DAW1: variants seen among roughly 807,000 people sequenced by gnomAD.
The protein encoded by DAW1 is dynein assembly factor with WD repeats 1.
A neutral mutation model predicts 56.5 loss-of-function variants in DAW1; 47 were observed. The ratio of observed to expected loss-of-function variants is 0.83; its 90% CI spans 0.66 to 1.06. DAW1 has a LOEUF of 1.06. Ranked by LOEUF, DAW1 falls within the 50% of genes least tolerant of loss-of-function variation. The probability of loss-of-function intolerance (pLI) is 0.00; values close to 1 mark genes in which losing one functional copy is unlikely to be tolerated. For synonymous variants in DAW1, 190 were observed against 179.0 expected (o/e 1.06, Z -0.49); for missense variants, 505 against 499.3 (o/e 1.01, Z -0.11).
rs188145621 is a variant in DAW1 at position 227,903,476 on chromosome 2, C to T, written c.648+367C>T. ...GACTGTGAGCACACTCTCCTCTGCC[C>T]GCTGGTCTTTCAGCCATCCTGTATC... On this transcript the variant is annotated intron_variant, in intron 7 of 12. Transcript: ENST00000309931. Among the ~76,000 whole-genome samples, 280 of 152,300 alleles carry T rather than the reference C, an allele frequency of 1.8e-3. 1 individual carries two copies. The highest frequency in any genetic ancestry group is 5.6e-3 in the African/African-American group (234 of 41,578).
rs982910045 is a variant in DAW1, at chr2:227,891,145, G to A, written c.259-110G>A. On this transcript the variant is annotated intron_variant, in intron 3 of 12. Coordinates refer to ENST00000309931, the MANE Select transcript of DAW1 (RefSeq NM_178821.3). ...TCTAAAGGTAAATCAGATATTGCCT[G>A]TTTCTGATGTATAATTAAGAAAAAA... The A allele has an allele frequency of 6.5e-6, 6 of 920,032 alleles. No homozygotes were observed. In the African/African-American group the frequency reaches 6.6e-5, roughly 10 times the overall value. 57.0% of individuals were successfully genotyped at this position (920,032 alleles called of 1,614,324 possible).
intron 1 of DAW1, 138 bp downstream of exon 1, chr2:227,871,867 C>G: frequency 9.8e-7 from 1 of 1,019,992 alleles, no homozygotes; most frequent in East Asian, 2.6e-5. Flanking sequence ...CACTTCCCAA[C>G]CTGTGCCCCT....
chr2:227,891,596 C>T (rs113406250), intron 4 of DAW1, among the ~76,000 whole-genome samples: 1 of 152,086 alleles, frequency 6.6e-6, no homozygotes, highest in African/African-American at 2.4e-5. Context: ...TCATATCTAA[C>T]TTGGTTGGTT....
chr2:227,880,937 C>A (rs554595944), intron 1 of DAW1, among the ~76,000 whole-genome samples: 11 of 152,058 alleles, frequency 7.2e-5, no homozygotes, highest in Non-Finnish European at 1.6e-4. Context: ...AGACATGGTA[C>A]CGATGAATTT....
At chr2:227,896,891 G>A (rs1428004729) in intron 5 of DAW1, among the ~76,000 whole-genome samples, 1 of 151,618 alleles carries the variant, frequency 6.6e-6, no homozygotes, top group East Asian at 1.9e-4. Flanking sequence ...AACTGATAAA[G>A]AATGTACATA....
At chr2:227,886,478 A>G (rs2106191578) in intron 2 of DAW1, among the ~76,000 whole-genome samples, 1 of 152,282 alleles carries the variant, frequency 6.6e-6, no homozygotes, top group East Asian at 1.9e-4. Context: ...TTAGCCAGGC[A>G]TGGTGGTGCA....
intron 10 of DAW1, chr2:227,912,466 T>A: frequency 1.5e-6 from 2 of 1,304,064 alleles, no homozygotes; most frequent in Non-Finnish European, 2.0e-6. Flanking sequence ...CTGTCAACAA[T>A]ATGGTATGCT....
intron 10 of DAW1, chr2:227,912,454 T>A: frequency 6.1e-6 from 8 of 1,304,660 alleles, no homozygotes; most frequent in Non-Finnish European, 8.1e-6. Context: ...CTGTGTCATC[T>A]GCTGTCAACA....
intron 6 of DAW1, among the ~76,000 whole-genome samples, chr2:227,902,642 G>A (rs1691573723): frequency 6.6e-6 from 1 of 152,112 alleles, no homozygotes; most frequent in African/African-American, 2.4e-5. Context: ...CTTGATGAGT[G>A]AGGGGCTGTG....
At chr2:227,900,533 G>A (rs1026590669) in intron 6 of DAW1, among the ~76,000 whole-genome samples, 4 of 152,194 alleles carry the variant, frequency 2.6e-5, no homozygotes, top group Non-Finnish European at 5.9e-5. Context: ...GGATTTCAGT[G>A]TGGACACAGA....
At chr2:227,895,129 G>T (rs1691376211) in intron 5 of DAW1, among the ~76,000 whole-genome samples, 1 of 152,092 alleles carries the variant, frequency 6.6e-6, no homozygotes, top group African/African-American at 2.4e-5. Flanking sequence ...AGATTGTTCT[G>T]CACGTATGTT....
rs534113094 is a variant in DAW1, at chr2:227,919,334, A to G, written c.1050+478A>G. 2.0e-5 allele frequency among the ~76,000 whole-genome samples: 3 copies of G among 152,224 alleles called. No homozygotes were observed. The South Asian group carries it at 6.2e-4, about 32-fold the overall frequency. On this transcript the variant is annotated intron_variant, in intron 11 of 12. Coordinates refer to ENST00000309931, the MANE Select transcript of DAW1 (RefSeq NM_178821.3). ...CACTTACCTAAAGACTTTATTTTTA[A>G]CTGTGCCCTCAAACTTAGCATAATA... is the stretch of plus-strand genomic sequence containing the variant.
At chr2:227,921,654 C>T in intron 12 of DAW1, 93 bp downstream of exon 12, 1 of 1,360,262 alleles carries the variant, frequency 7.4e-7, no homozygotes. Context: ...TCCCCATTCC[C>T]TACCTCTTTT....
intron 1 of DAW1, among the ~76,000 whole-genome samples, chr2:227,880,019 C>T (rs962045806): frequency 2.0e-5 from 3 of 152,104 alleles, no homozygotes; most frequent in Non-Finnish European, 4.4e-5. Flanking sequence ...ACATTAACTT[C>T]GTAAATATGA....
chr2:227,885,265 A>G (rs1170043461), intron 1 of DAW1, 86 bp from the exon 2 acceptor site: 12 of 938,098 alleles, frequency 1.3e-5, no homozygotes, highest in African/African-American at 6.8e-5. Context: ...AAAAATAAAA[A>G]TGGAAAAAAC....
At chr2:227,913,036 C>G (rs868254542) in intron 10 of DAW1, among the ~76,000 whole-genome samples, 2 of 152,086 alleles carry the variant, frequency 1.3e-5, no homozygotes, top group Non-Finnish European at 2.9e-5. Flanking sequence ...ATGTATATTG[C>G]TAAACTATTT....
At chr2:227,897,659 T>G (rs1272511098) in intron 5 of DAW1, among the ~76,000 whole-genome samples, 1 of 152,216 alleles carries the variant, frequency 6.6e-6, no homozygotes, top group African/African-American at 2.4e-5. Context: ...ACTGAAGTCT[T>G]TGTATTTCCT....
Position 227,921,500 on chromosome 2 carries a change from G to C in DAW1, c.1152G>C (p.Glu384Asp). 6.2e-7 allele frequency: 1 copy of C among 1,613,884 alleles called. No individual in the cohort carries two copies. The highest frequency in any genetic ancestry group is 8.5e-7 in the Non-Finnish European group (1 of 1,179,968). The change falls in exon 12 of 13, where the codon GAG becomes GAC. Residue 384 changes from glutamate to aspartate, a missense_variant. Transcript: ENST00000309931. ...AQTGQCLQVL[E>D]GHTDEIFSCA... Reference sequence around the variant, plus strand: ...CTGGCCAGTGCCTCCAGGTTCTTGAGGGGCACACTGATGAAATCTTTTCAT... The same window carrying C: ...CTGGCCAGTGCCTCCAGGTTCTTGACGGGCACACTGATGAAATCTTTTCAT...
At chr2:227,922,761 T>C (rs1245613774) in intron 12 of DAW1, among the ~76,000 whole-genome samples, 1 of 152,230 alleles carries the variant, frequency 6.6e-6, no homozygotes, top group African/African-American at 2.4e-5. Flanking sequence ...TTCAAAATCT[T>C]TGGGCTTATG....
Sources: gnomAD v4.1 joint callset for allele counts (sites outside exome capture counted in the v4.1 genomes callset) on GRCh38, gnomAD v4.1.1 for gene constraint, MANE v1.5 for transcripts, NCBI Gene and HGNC (gene_info 2026-07-23, HGNC 2026-07-21) for gene names.